The following SVEP1 variants were observed in gnomAD, a reference collection of about 807,000 sequenced individuals.
The protein encoded by SVEP1 is sushi, von Willebrand factor type A, EGF and pentraxin domain-containing protein 1.
In SVEP1, 164 loss-of-function variants were observed where a neutral mutation model predicts 367.3. The ratio of observed to expected loss-of-function variants is 0.45; its 90% CI spans 0.39 to 0.51. The LOEUF is 0.51. SVEP1 is among the 20% of genes least tolerant of loss of function. SVEP1 has a pLI of 0.00. For missense variants in SVEP1, 4,117 were observed against 4,425.3 expected (o/e 0.93, Z 1.98); for synonymous variants, 1,666 against 1,611.6 (o/e 1.03, Z -0.81).
chr9:110,489,864 A>G, intron 8 of SVEP1, 85 bp from the exon 9 acceptor site: 1 of 1,405,256 alleles, frequency 7.1e-7, no homozygotes, highest in Non-Finnish European at 9.4e-7. Context: ...AGTAATGTTA[A>G]CAATGATACA....
intron 36 of SVEP1, among the ~76,000 whole-genome samples, chr9:110,425,731 T>G (rs1828244241): frequency 6.6e-6 from 1 of 152,192 alleles, no homozygotes; most frequent in Non-Finnish European, 1.5e-5. Flanking sequence ...ATCTTCTAAG[T>G]GAACAATTTG....
chr9:110,447,224 C>G (rs1889322), intron 24 of SVEP1, among the ~76,000 whole-genome samples, 167 bp from the exon 25 acceptor site: 1 of 152,082 alleles, frequency 6.6e-6, no homozygotes, highest in Admixed American at 6.5e-5. Flanking sequence ...TTGATTAAAT[C>G]TATGTAAGAC....
Position 110,579,471 on chromosome 9 carries a change from A to G in SVEP1, c.73T>C (p.Ser25Pro), listed in dbSNP as rs923218015. Residue 25 changes from serine (S) to proline (P), a missense_variant, in exon 1 of 48, where the codon TCC (serine) becomes CCC (proline). By Grantham distance (74) the Ser-to-Pro change is moderately conservative. Coordinates refer to ENST00000374469, the MANE Select transcript of SVEP1 (RefSeq NM_153366.4). This position sits in a 1 kb window ranked among gnomAD's most constrained non-coding sequence, Gnocchi z 5.3. ...CGGAAGCTGAAATTGCGCGACGGGG[A>G]CATCTGCTGAAAGGTCGCCCAGCCC... ...VSGWATFQQM[S>P]PSRNFSFRLF... The G allele has an allele frequency of 3.7e-6, 6 of 1,603,798 alleles. No individual in the cohort carries two copies. Among genetic ancestry groups the G allele is most frequent in the Non-Finnish European group, 4.3e-6 (5 of 1,176,296 alleles).
chr9:110,481,442 T>TAA lies in SVEP1; in HGVS notation c.2171-8_2171-7dup. ...TGGAATTTCACAGGGAGAACCTGTG[T>TAA]AAAAAAAATTGTACTATTCATATAT... On this transcript the variant is annotated splice_polypyrimidine_tract_variant and splice_region_variant and intron_variant, in intron 11 of 47. Coordinates refer to ENST00000374469, the MANE Select transcript of SVEP1 (RefSeq NM_153366.4). 1 of 1,551,824 alleles carries TAA rather than the reference T, an allele frequency of 6.4e-7. No homozygotes were observed. The highest frequency in any genetic ancestry group is 1.2e-5 in the South Asian group (1 of 80,920).
At chr9:110,528,156 G>GTGTATGTGTATATATA in intron 3 of SVEP1, among the ~76,000 whole-genome samples, 1 of 33,940 alleles carries the variant, frequency 2.9e-5, no homozygotes, top group South Asian at 9.6e-4. Flanking sequence ...GTGTGTGTGT[G>GTGTATGTGTATATATA]TATATATATA....
intron 24 of SVEP1, among the ~76,000 whole-genome samples, chr9:110,449,323 T>C (rs1398920220): frequency 2.0e-5 from 3 of 152,204 alleles, no homozygotes; most frequent in Non-Finnish European, 4.4e-5. Context: ...AGATTTCTTT[T>C]GAACCAAAGG....
chr9:110,519,379 T>G (rs1485203735), intron 3 of SVEP1, among the ~76,000 whole-genome samples: 1 of 152,194 alleles, frequency 6.6e-6, no homozygotes, highest in Non-Finnish European at 1.5e-5. Context: ...TTTCTTTCCC[T>G]TTCCTATCTT....
At chr9:110,506,045 T>A (rs550387662) in intron 5 of SVEP1, among the ~76,000 whole-genome samples, 1 of 152,274 alleles carries the variant, frequency 6.6e-6, no homozygotes, top group South Asian at 2.1e-4. Flanking sequence ...TTTAACTCCC[T>A]CTTATGAGTG....
chr9:110,410,883 G>A (rs1052742987), intron 37 of SVEP1, among the ~76,000 whole-genome samples, 180 bp downstream of exon 37: 6 of 152,108 alleles, frequency 3.9e-5, no homozygotes, highest in African/African-American at 1.4e-4. Context: ...ATCAAGAGAT[G>A]AATTAATTAT....
intron 40 of SVEP1, among the ~76,000 whole-genome samples, chr9:110,395,676 AAAC>A (rs2118984334): frequency 6.6e-6 from 1 of 151,654 alleles, no homozygotes; most frequent in Admixed American, 6.6e-5. Flanking sequence ...AGCAAATGGA[AAAC>A]AAAAAAAGGC....
At chr9:110,490,577 T>C (rs550057889) in intron 8 of SVEP1, among the ~76,000 whole-genome samples, 35 of 152,254 alleles carry the variant, frequency 2.3e-4, no homozygotes, top group African/African-American at 8.2e-4. Context: ...ATATTTGTCT[T>C]TCTGTGCTTG....
At position 110,489,777 on chromosome 9, in the gene SVEP1, C is replaced by T. The variant is rs1829339457; in HGVS notation, c.1803G>A (p.Val601=). 3.7e-6 allele frequency: 6 copies of T among 1,610,882 alleles called. No homozygotes were observed. In the East Asian group the frequency reaches 8.9e-5, roughly 24 times the overall value. ...PTAKDNSGEK[V]SVHVHPAFTP... ...TGAAAGCTGGATGAACGTGGACTGA[C>T]ACCTATTGGAGATACACAAATATTT... Residue 601 remains valine (V), a splice_region_variant and synonymous_variant, in exon 9 of 48, where the codon GTG becomes GTA. Transcript: ENST00000374469.
Position 110,443,616 on chromosome 9 carries a change from A to G in SVEP1, c.4568T>C (p.Ile1523Thr). 6.2e-7 allele frequency: 1 copy of G among 1,613,492 alleles called. No individual in the cohort carries two copies. The highest frequency in any genetic ancestry group is 8.5e-7 in the Non-Finnish European group (1 of 1,179,694). The stretch of plus-strand genomic sequence containing the variant: ...TTTCCCATCGATATAGACTTTCCAG[A>G]TGCCATTGGCACTTGTCCAAGTGAT... ...IAITWTSANGIWKVYIDGKLS... is the reference protein window; with the variant it reads ...IAITWTSANGTWKVYIDGKLS... The change falls in exon 27 of 48, where the codon ATC (isoleucine) becomes ACC (threonine). Residue 1523 changes from isoleucine (I) to threonine (T), a missense_variant. Physicochemically the swap from Ile to Thr is moderately conservative, Grantham distance 89 (BLOSUM62 -1). Coordinates refer to ENST00000374469, the MANE Select transcript of SVEP1 (RefSeq NM_153366.4).
chr9:110,509,399 C>T (rs909890227), intron 5 of SVEP1, among the ~76,000 whole-genome samples: 1 of 152,184 alleles, frequency 6.6e-6, no homozygotes, highest in African/African-American at 2.4e-5. Context: ...ACTTTGTATA[C>T]TGGTAAGTTA....
At chr9:110,481,478 G>A (rs926134569) in intron 11 of SVEP1, 42 bp from the exon 12 acceptor site, 2 of 1,331,490 alleles carry the variant, frequency 1.5e-6, no homozygotes, top group Non-Finnish European at 2.0e-6. Flanking sequence ...AGTGGTACAA[G>A]AAGCATAAAT....
intron 1 of SVEP1, among the ~76,000 whole-genome samples, chr9:110,570,970 C>CTTT (rs374900472): frequency 2.5e-3 from 286 of 114,828 alleles, no homozygotes; most frequent in East Asian, 5.0e-3. Flanking sequence ...CAGATGGCTC[C>CTTT]TTTTTTTTTT....
chr9:110,387,357 T>A lies in SVEP1; in HGVS notation c.9988A>T (p.Ser3330Cys). ...NVVYSCNRGY[S>C]LEGPSEAHCT... Reference sequence around the variant, plus strand: ...TGTGCCTCAGATGGCCCTTCAAGACTGTAGCCTCTGTTGCAGGAATATACC... The same window carrying A: ...TGTGCCTCAGATGGCCCTTCAAGACAGTAGCCTCTGTTGCAGGAATATACC... The change falls in exon 42 of 48, where the codon AGT (serine) becomes TGT (cysteine). Residue 3330 changes from serine (S) to cysteine (C), a missense_variant. Around this residue, in one of 4 missense-constraint regions of SVEP1, gnomAD observed 1,765 missense variants for 1,781.1 expected, o/e 0.99. Transcript: ENST00000374469. 1 of 1,613,804 alleles carries A rather than the reference T, an allele frequency of 6.2e-7. No individual in the cohort carries two copies. The highest frequency in any genetic ancestry group is 1.1e-5 in the South Asian group (1 of 91,056).
At chr9:110,453,291 T>C (rs1828724294) in intron 22 of SVEP1, among the ~76,000 whole-genome samples, 1 of 152,138 alleles carries the variant, frequency 6.6e-6, no homozygotes, top group African/African-American at 2.4e-5. Context: ...GGGTCATTAC[T>C]ATTTATAAAG....
At chr9:110,476,577 G>C (rs1829099404) in intron 13 of SVEP1, among the ~76,000 whole-genome samples, 1 of 152,050 alleles carries the variant, frequency 6.6e-6, no homozygotes, top group African/African-American at 2.4e-5. Context: ...AATATCTCCT[G>C]TCTCTAAACT....
Sources: allele counts gnomAD v4.1 joint callset (sites outside exome capture counted in the v4.1 genomes callset), GRCh38; gene constraint gnomAD v4.1.1; regional missense constraint gnomAD v4.1.1; non-coding constraint Gnocchi (gnomAD v3.1); transcripts MANE v1.5; gene names NCBI Gene and HGNC (gene_info 2026-07-23, HGNC 2026-07-21).